The following GRIP1 variants were observed in gnomAD, a reference collection of about 807,000 sequenced individuals.
GRIP1 encodes glutamate receptor-interacting protein 1.
A neutral mutation model predicts 129.9 loss-of-function variants in GRIP1; 45 were observed. That is an observed-to-expected ratio of 0.35 (90% CI 0.27 to 0.44). The LOEUF is 0.44. Among genes scored for constraint, GRIP1 ranks in the 20% least tolerant of loss-of-function variants. GRIP1 has a pLI of 1.00. For missense variants in GRIP1, 1,196 were observed against 1,396.8 expected (o/e 0.86, Z 2.29); for synonymous variants, 530 against 520.8 (o/e 1.02, Z -0.24).
At chr12:66,716,532 T>A (rs749712902) in intron 1 of GRIP1, among the ~76,000 whole-genome samples, 11 of 151,728 alleles carry the variant, frequency 7.2e-5, no homozygotes, top group East Asian at 1.9e-4. Context: ...AAAAAATTTT[T>A]AAATTTTATT....
chr12:67,031,886 T>C (rs899032748), intron 1 of GRIP1, among the ~76,000 whole-genome samples: 13 of 152,130 alleles, frequency 8.5e-5, no homozygotes, highest in African/African-American at 2.2e-4. Flanking sequence ...CTGCTTCCCA[T>C]TGAGATTCTA....
At chr12:66,526,289 C>T (rs1474295414) in intron 5 of GRIP1, among the ~76,000 whole-genome samples, 11 of 152,052 alleles carry the variant, frequency 7.2e-5, no homozygotes, top group Non-Finnish European at 5.9e-5. Flanking sequence ...TACTACAAGG[C>T]TACAGTAACC....
chr12:66,450,303 C>CAAAAAAAAAAAAAAAAAAAAA, intron 11 of GRIP1, among the ~76,000 whole-genome samples: 1 of 26,802 alleles, frequency 3.7e-5, no homozygotes. Context: ...GACTCCATCT[C>CAAAAAAAAAAAAAAAAAAAAA]AAAAAAAAAA....
intron 1 of GRIP1, among the ~76,000 whole-genome samples, chr12:66,716,399 C>T (rs2035888285): frequency 6.6e-6 from 1 of 151,858 alleles, no homozygotes; most frequent in African/African-American, 2.4e-5. Context: ...AAATCAAGAC[C>T]TCCAGGAGAG....
chr12:66,484,431 T>C (rs2059897449), intron 7 of GRIP1, among the ~76,000 whole-genome samples: 1 of 152,174 alleles, frequency 6.6e-6, no homozygotes, highest in Admixed American at 6.5e-5. Flanking sequence ...GAAATCAACC[T>C]AAGTGTCTAT....
At chr12:66,977,748 G>C (rs2042175265) in intron 1 of GRIP1, among the ~76,000 whole-genome samples, 1 of 141,098 alleles carries the variant, frequency 7.1e-6, no homozygotes, top group Non-Finnish European at 1.5e-5. Flanking sequence ...TAACACCCAA[G>C]TTTTATGTCA....
At chr12:66,790,890 G>C (rs953814835) in intron 1 of GRIP1, among the ~76,000 whole-genome samples, 1 of 152,110 alleles carries the variant, frequency 6.6e-6, no homozygotes, top group Non-Finnish European at 1.5e-5. Context: ...CAGAGTTAAG[G>C]GGAAGGAGCG....
chr12:66,515,813 C>T (rs889724790), intron 6 of GRIP1, 49 bp from the exon 7 acceptor site: 3 of 1,526,052 alleles, frequency 2.0e-6, no homozygotes, highest in Non-Finnish European at 2.7e-6. Flanking sequence ...CATAATGGGG[C>T]TTAGTATTAA....
chr12:66,471,742 T>C (rs2138422629), intron 7 of GRIP1, among the ~76,000 whole-genome samples: 1 of 152,344 alleles, frequency 6.6e-6, no homozygotes, highest in Non-Finnish European at 1.5e-5. Context: ...AATGATATAA[T>C]GGATAATGCC....
At chr12:66,531,378 A>G (rs2061460997) in intron 4 of GRIP1, among the ~76,000 whole-genome samples, 1 of 150,710 alleles carries the variant, frequency 6.6e-6, no homozygotes, top group Non-Finnish European at 1.5e-5. Context: ...ATTGTTTAAA[A>G]AAACTTTTCT....
Position 66,642,307 on chromosome 12 carries a change from C to T in GRIP1, c.55+36543G>A, listed in dbSNP as rs115765187. Among the ~76,000 whole-genome samples the T allele has an allele frequency of 2.3e-3, 349 of 152,134 alleles. 2 individuals carry two copies. The highest frequency in any genetic ancestry group is 8.0e-3 in the African/African-American group (332 of 41,492). On this transcript the variant is annotated intron_variant, in intron 1 of 24. Transcript: ENST00000359742. Reference sequence around the variant, plus strand: ...CAGCAAGAGGGAACTCCAGCTAGAACTCCAGCATGTGAAAGGCAGGGAGGC... The same window carrying T: ...CAGCAAGAGGGAACTCCAGCTAGAATTCCAGCATGTGAAAGGCAGGGAGGC...
intron 5 of GRIP1, among the ~76,000 whole-genome samples, chr12:66,523,915 A>T (rs1473890293): frequency 6.6e-6 from 1 of 152,228 alleles, no homozygotes; most frequent in East Asian, 1.9e-4. Flanking sequence ...ACCAACAAAG[A>T]TCAAAAGAGA....
rs1421602523 is a variant in GRIP1, at chr12:66,580,150, C to T, written c.136+16697G>A. Among the ~76,000 whole-genome samples the T allele has an allele frequency of 1.5e-3, 213 of 146,366 alleles. No individual in the cohort carries two copies. The Middle Eastern group carries it at 0.017, about 12-fold the overall frequency. On this transcript the variant is annotated intron_variant, in intron 2 of 24. Coordinates refer to ENST00000359742, the MANE Select transcript of GRIP1 (RefSeq NM_001366722.1). ...TTTCAACCCAGAATTTCATATCCAG[C>T]CAAACTAAGCTTCATAAGTGAAGGA...
intron 1 of GRIP1, among the ~76,000 whole-genome samples, chr12:67,032,415 A>G (rs1157706431): frequency 6.6e-6 from 1 of 152,194 alleles, no homozygotes; most frequent in Non-Finnish European, 1.5e-5. Flanking sequence ...ACCTACAATA[A>G]TAGACCCTCT....
At chr12:66,486,611 C>A (rs1263290084) in intron 7 of GRIP1, among the ~76,000 whole-genome samples, 1 of 152,078 alleles carries the variant, frequency 6.6e-6, no homozygotes, top group African/African-American at 2.4e-5. Flanking sequence ...TGTTGCCATC[C>A]ACTTAAGATG....
intron 1 of GRIP1, among the ~76,000 whole-genome samples, chr12:67,052,537 A>G (rs1472979188): frequency 1.8e-4 from 28 of 152,172 alleles, no homozygotes; most frequent in Non-Finnish European, 5.9e-5. Context: ...AGGCAGGTGG[A>G]TCACAAGGTC....
intron 14 of GRIP1, among the ~76,000 whole-genome samples, chr12:66,427,702 T>C (rs1290012647): frequency 6.6e-6 from 1 of 152,186 alleles, no homozygotes; most frequent in East Asian, 1.9e-4. Flanking sequence ...AAGGAAGAAG[T>C]GAGAACTGAA....
Position 67,023,982 on chromosome 12 carries a change from G to A in GRIP1, c.58+45068C>T, listed in dbSNP as rs12582643. Among the ~76,000 whole-genome samples the A allele has an allele frequency of 4.2e-4, 63 of 150,660 alleles. No homozygotes were observed. The East Asian group carries it at 9.6e-3, about 23-fold the overall frequency. On this transcript the variant is annotated intron_variant, in intron 1 of 1. Transcript: ENST00000643019. Reference sequence around the variant, plus strand: ...AAGCAGATTACAGATTAGCTCCCCCGTTTTCTTGCCACAGTCAATACCAGG... The same window carrying A: ...AAGCAGATTACAGATTAGCTCCCCCATTTTCTTGCCACAGTCAATACCAGG...
intron 1 of GRIP1, among the ~76,000 whole-genome samples, chr12:66,759,242 G>T (rs1366395550): frequency 1.3e-5 from 2 of 152,212 alleles, no homozygotes; most frequent in Non-Finnish European, 2.9e-5. Flanking sequence ...AGCTGCCAAG[G>T]CTTGGGACTT....
Sources: gnomAD v4.1 joint callset for allele counts (sites outside exome capture counted in the v4.1 genomes callset) on GRCh38, gnomAD v4.1.1 for gene constraint, MANE v1.5 for transcripts, NCBI Gene and HGNC (gene_info 2026-07-23, HGNC 2026-07-21) for gene names.